The following XCR1 variants were observed in gnomAD, a reference collection of about 807,000 sequenced individuals.
The protein encoded by XCR1 is chemokine XC receptor 1.
For synonymous variants in XCR1, 187 were observed against 188.5 expected (o/e 0.99, Z 0.06); for missense variants, 356 against 424.2 (o/e 0.84, Z 1.41).
At chr3:46,047,697 C>T (rs1457255526) in intron 5 of XCR1, among the ~76,000 whole-genome samples, 1 of 152,138 alleles carries the variant, frequency 6.6e-6, no homozygotes, top group African/African-American at 2.4e-5. Flanking sequence ...TGGGCTAAAG[C>T]CTGCTCCATG....
At chr3:46,051,784 T>G (rs1697749074) in intron 5 of XCR1, among the ~76,000 whole-genome samples, 1 of 152,240 alleles carries the variant, frequency 6.6e-6, no homozygotes, top group Non-Finnish European at 1.5e-5. Flanking sequence ...CCCAGCACTT[T>G]GTGAGGCTGA....
rs1330816792 is a variant in XCR1, at chr3:46,020,928, T to C, written c.*18A>G. ...GTCCCTGTCCACCTGCACCTGCGCC[T>C]GCACCGCCACAGGCCCCTCAGTAGA... On this transcript the variant is annotated 3_prime_UTR_variant, in exon 2 of 2. Coordinates refer to ENST00000309285, the MANE Select transcript of XCR1 (RefSeq NM_001024644.2). 6.2e-7 allele frequency: 1 copy of C among 1,603,720 alleles called. No individual in the cohort carries two copies.
intron 4 of XCR1, among the ~76,000 whole-genome samples, chr3:46,066,168 C>T (rs1016185526): frequency 1.3e-5 from 2 of 152,046 alleles, no homozygotes; most frequent in African/African-American, 4.8e-5. Flanking sequence ...CTCCTTGGTG[C>T]TCTTGGGCAC....
At position 46,053,952 on chromosome 3, in the gene XCR1, C is replaced by T. The variant is rs199570631; in HGVS notation, c.-64G>A. 1.5e-4 allele frequency among the ~76,000 whole-genome samples: 22 copies of T among 149,766 alleles called. 1 individual carries two copies. The highest frequency in any genetic ancestry group is 5.1e-4 in the African/African-American group (21 of 41,006). On this transcript the variant is annotated 5_prime_UTR_variant, in exon 5 of 6. Coordinates refer to the XCR1 transcript ENST00000683768. ...ATATCCGCTGCTGGCAGACTCATCC[C>T]GGGCTCCCTGTTCGCCTTGTCAGTT...
intron 3 of XCR1, among the ~76,000 whole-genome samples, chr3:46,074,063 C>G (rs1698209399): frequency 6.6e-6 from 1 of 151,980 alleles, no homozygotes. Context: ...TCCAGCAACC[C>G]CACTACTGGG....
At chr3:46,054,286 G>A (rs140381381) in intron 4 of XCR1, among the ~76,000 whole-genome samples, 75 of 152,244 alleles carry the variant, frequency 4.9e-4, no homozygotes, top group Middle Eastern at 3.4e-3. Context: ...GCATTCTCTA[G>A]ATGTCCCAGT....
chr3:46,067,512 C>T (rs963967579), intron 3 of XCR1, among the ~76,000 whole-genome samples: 3 of 152,110 alleles, frequency 2.0e-5, no homozygotes, highest in Admixed American at 2.0e-4. Context: ...CTGGCCAGCT[C>T]ATGTCACCCA....
intron 4 of XCR1, among the ~76,000 whole-genome samples, chr3:46,059,302 C>T (rs1697918283): frequency 2.0e-5 from 3 of 152,144 alleles, no homozygotes; most frequent in African/African-American, 7.2e-5. Flanking sequence ...GCAGGCATCA[C>T]CCAAGATGTT....
chr3:46,018,593 C>A lies in XCR1; in HGVS notation c.*2353G>T, dbSNP rs1357209563. Reference sequence around the variant, plus strand: ...GGCTGGCAGGTAGGTCCATGGGAGCCCCTTCCCTTCACTGGTATGCCGCCC... The same window carrying A: ...GGCTGGCAGGTAGGTCCATGGGAGCACCTTCCCTTCACTGGTATGCCGCCC... On this transcript the variant is annotated 3_prime_UTR_variant, in exon 2 of 2. Transcript: ENST00000309285. The A allele has an allele frequency of 6.6e-6, 1 of 152,230 alleles. No individual in the cohort carries two copies. The highest frequency in any genetic ancestry group is 1.5e-5 in the Non-Finnish European group (1 of 68,104). 9.4% of individuals were successfully genotyped at this position (152,230 alleles called of 1,614,324 possible). A position where few individuals can be genotyped will look rare whatever the true frequency, so the allele number is the denominator to read the frequency against.
intron 3 of XCR1, among the ~76,000 whole-genome samples, chr3:46,074,240 T>TTTTTTTTTTTTTTTTA (rs1698214831): frequency 7.7e-6 from 1 of 129,870 alleles, no homozygotes; most frequent in South Asian, 2.7e-4. Context: ...TTTTTTTTTT[T>TTTTTTTTTTTTTTTTA]GAGACAGGGT....
chr3:46,070,676 T>A (rs1384408682), intron 3 of XCR1, among the ~76,000 whole-genome samples: 1 of 152,092 alleles, frequency 6.6e-6, no homozygotes, highest in Admixed American at 6.6e-5. Context: ...AAAGTTGAGT[T>A]CCTCGTAAGC....
At chr3:46,059,319 T>C (rs1314704301) in intron 4 of XCR1, among the ~76,000 whole-genome samples, 1 of 152,224 alleles carries the variant, frequency 6.6e-6, no homozygotes, top group African/African-American at 2.4e-5. Flanking sequence ...TGTTCAGGTG[T>C]AGCAATACAT....
chr3:46,020,653 A>C lies in XCR1; in HGVS notation c.*293T>G. The stretch of plus-strand genomic sequence containing the variant: ...TTCATGTCTTAGAACCTTCTGAACT[A>C]AACAGTGATTAGAAACACATGTCTA... On this transcript the variant is annotated 3_prime_UTR_variant, in exon 2 of 2. Coordinates refer to ENST00000309285, the MANE Select transcript of XCR1 (RefSeq NM_001024644.2). The C allele has an allele frequency of 2.2e-6, 1 of 450,256 alleles. No individual in the cohort carries two copies. Among genetic ancestry groups the C allele is most frequent in the Non-Finnish European group, 4.0e-6 (1 of 249,950 alleles). The allele number at this position is 450,256 out of a possible 1,614,324, so 27.9% of individuals were successfully genotyped here.
Position 46,035,232 on chromosome 3 carries a change from C to T in XCR1, c.-31-13254G>A, listed in dbSNP as rs551968918. On this transcript the variant is annotated intron_variant, in intron 5 of 5. Coordinates refer to the XCR1 transcript ENST00000683768. ...CCTCCCAAAGTGTCGGGATTACAGG[C>T]GTGAGCCACCATGCCTGGCCCCATA... 4.6e-5 allele frequency among the ~76,000 whole-genome samples: 7 copies of T among 152,252 alleles called. No individual in the cohort carries two copies. The South Asian group carries it at 1.2e-3, about 27-fold the overall frequency.
intron 4 of XCR1, among the ~76,000 whole-genome samples, chr3:46,059,358 G>A (rs540657817): frequency 6.6e-6 from 1 of 152,326 alleles, no homozygotes; most frequent in South Asian, 2.1e-4. Flanking sequence ...CTAAACCACA[G>A]TGATGAGAAG....
At chr3:46,047,136 A>G (rs1697649709) in intron 5 of XCR1, among the ~76,000 whole-genome samples, 1 of 152,206 alleles carries the variant, frequency 6.6e-6, no homozygotes, top group Admixed American at 6.5e-5. Context: ...CCATTTCTCC[A>G]CATACTGAGC....
intron 4 of XCR1, among the ~76,000 whole-genome samples, chr3:46,060,654 C>G (rs962538344): frequency 7.2e-5 from 11 of 152,182 alleles, no homozygotes; most frequent in African/African-American, 2.2e-4. Flanking sequence ...GGAACAGAAG[C>G]AAACATTTTG....
chr3:46,075,308 CAAAAAAA>C (rs56787185), intron 2 of XCR1, among the ~76,000 whole-genome samples: 1 of 61,674 alleles, frequency 1.6e-5, no homozygotes, highest in Non-Finnish European at 2.9e-5. Flanking sequence ...GCTCATAGAC[CAAAAAAA>C]AAAAAAAAAA....
rs1342378517 is a variant in XCR1, at chr3:46,023,278, C to T, written c.-31-1300G>A. The T allele has an allele frequency of 1.1e-5, 8 of 748,020 alleles. No homozygotes were observed. In the African/African-American group the frequency reaches 1.4e-4, roughly 13 times the overall value. 46.3% of individuals were successfully genotyped at this position (748,020 alleles called of 1,614,324 possible). ...TTCCCTGGCCCCACCGCTCCCCTTC[C>T]TAAGGCTGCTGCTGTCTATGGAAGT... On this transcript the variant is annotated intron_variant, in intron 1 of 1. Transcript: ENST00000309285.
Sources: gnomAD v4.1 joint callset for allele counts (sites outside exome capture counted in the v4.1 genomes callset) on GRCh38, gnomAD v4.1.1 for gene constraint, MANE v1.5 for transcripts, NCBI Gene and HGNC (gene_info 2026-07-23, HGNC 2026-07-21) for gene names.